The following SGCD variants were observed in gnomAD, a reference collection of about 807,000 sequenced individuals.
SGCD encodes the protein delta-sarcoglycan.
SGCD carries 18 observed loss-of-function variants against 36.6 expected under a neutral mutation model. The observed-to-expected ratio is 0.49, with a 90% confidence interval of 0.34 to 0.73. SGCD has a LOEUF of 0.73. Ranked by LOEUF, SGCD falls within the 30% of genes least tolerant of loss-of-function variation. The probability of loss-of-function intolerance (pLI) is 0.01; values close to 1 mark genes in which losing one functional copy is unlikely to be tolerated. For synonymous variants in SGCD, 133 were observed against 130.6 expected (o/e 1.02, Z -0.12); for missense variants, 387 against 346.7 (o/e 1.12, Z -0.92).
the SGCD span, among the ~76,000 whole-genome samples, chr5:155,861,637 G>A: frequency 6.6e-6 from 1 of 152,178 alleles, no homozygotes; most frequent in Non-Finnish European, 1.5e-5. Flanking sequence ...AGAATCTCTT[G>A]AACCCAGAAG....
chr5:156,345,907 T>C (rs1170279578), intron 3 of SGCD, among the ~76,000 whole-genome samples: 3 of 152,104 alleles, frequency 2.0e-5, no homozygotes, highest in Non-Finnish European at 4.4e-5. Context: ...CATTTTCTTC[T>C]GCTTGGAGTG....
chr5:156,381,575 T>C (rs1027681141), intron 3 of SGCD, among the ~76,000 whole-genome samples: 3 of 96,972 alleles, frequency 3.1e-5, no homozygotes, highest in Admixed American at 2.0e-4. Flanking sequence ...CATGTAAACA[T>C]ACATGTGCAT....
chr5:156,204,815 G>A (rs573368585), intron 3 of SGCD, among the ~76,000 whole-genome samples: 18 of 152,134 alleles, frequency 1.2e-4, no homozygotes, highest in Admixed American at 3.3e-4. Context: ...GATGTAAGTC[G>A]TAAGTAGCTA....
intron 1 of SGCD, among the ~76,000 whole-genome samples, chr5:156,116,959 G>A (rs1761920523): frequency 6.6e-6 from 1 of 151,910 alleles, no homozygotes; most frequent in Non-Finnish European, 1.5e-5. Context: ...AGACTCTTTG[G>A]GTTTACTCAA....
At chr5:156,287,859 A>G (rs1766652437) in intron 3 of SGCD, among the ~76,000 whole-genome samples, 1 of 152,038 alleles carries the variant, frequency 6.6e-6, no homozygotes, top group Admixed American at 6.6e-5. Flanking sequence ...GGATCACATC[A>G]CTACACTCCA....
intron 3 of SGCD, among the ~76,000 whole-genome samples, chr5:156,501,943 C>T (rs1267108255): frequency 1.3e-5 from 2 of 152,110 alleles, no homozygotes; most frequent in Non-Finnish European, 2.9e-5. Context: ...TCATGCTTGC[C>T]TTAAGAAAAT....
intron 1 of SGCD, among the ~76,000 whole-genome samples, chr5:155,968,574 G>A (rs1757947180): frequency 6.6e-6 from 1 of 152,042 alleles, no homozygotes; most frequent in African/African-American, 2.4e-5. Flanking sequence ...CTCTTATAGT[G>A]TGTAATTTCA....
At chr5:156,505,769 T>C (rs551716216) in intron 3 of SGCD, among the ~76,000 whole-genome samples, 2 of 126,400 alleles carry the variant, frequency 1.6e-5, no homozygotes, top group Non-Finnish European at 3.5e-5. Flanking sequence ...AGTGTGTGTG[T>C]ATATACACCA....
intron 3 of SGCD, among the ~76,000 whole-genome samples, chr5:156,249,638 T>C (rs1029948764): frequency 6.6e-6 from 1 of 152,148 alleles, no homozygotes; most frequent in Non-Finnish European, 1.5e-5. Flanking sequence ...TTAGGCAAAT[T>C]GTTTTCTCTT....
chr5:155,752,818 T>C, the SGCD span, among the ~76,000 whole-genome samples: 3 of 152,182 alleles, frequency 2.0e-5, no homozygotes, highest in Non-Finnish European at 4.4e-5. Flanking sequence ...CTTTTCACAT[T>C]GGCCCCTTAT....
At chr5:155,886,263 A>T (rs932258609) in intron 1 of SGCD, among the ~76,000 whole-genome samples, 6 of 152,348 alleles carry the variant, frequency 3.9e-5, no homozygotes, top group African/African-American at 1.2e-4. Flanking sequence ...AAGGGACTGG[A>T]ATGAGGATGT....
At chr5:156,029,307 T>C (rs1387919301) in intron 1 of SGCD, among the ~76,000 whole-genome samples, 1 of 152,172 alleles carries the variant, frequency 6.6e-6, no homozygotes, top group Non-Finnish European at 1.5e-5. Context: ...TATGGTTATT[T>C]TTCTGTAATC....
intron 3 of SGCD, among the ~76,000 whole-genome samples, chr5:156,164,552 A>G (rs1234194071): frequency 6.6e-6 from 1 of 152,210 alleles, no homozygotes; most frequent in Non-Finnish European, 1.5e-5. Flanking sequence ...CATGCTGGAA[A>G]TACCAAAAGA....
At chr5:156,257,069 A>G (rs1765733142) in intron 3 of SGCD, among the ~76,000 whole-genome samples, 1 of 151,956 alleles carries the variant, frequency 6.6e-6, no homozygotes, top group South Asian at 2.1e-4. Flanking sequence ...GGTCCTAGCT[A>G]CTCAGGAGGC....
At chr5:155,797,552 A>G in the SGCD span, among the ~76,000 whole-genome samples, 1 of 152,246 alleles carries the variant, frequency 6.6e-6, no homozygotes, top group Non-Finnish European at 1.5e-5. Context: ...GGACAGAAGT[A>G]CAGAGTTGCA....
chr5:156,687,860 C>T (rs570036384), intron 7 of SGCD, among the ~76,000 whole-genome samples: 1 of 152,142 alleles, frequency 6.6e-6, no homozygotes, highest in Non-Finnish European at 1.5e-5. Context: ...AACCATCGTT[C>T]GTTACCAGCC....
chr5:155,733,746 G>T, the SGCD span, among the ~76,000 whole-genome samples: 2 of 151,998 alleles, frequency 1.3e-5, no homozygotes, highest in African/African-American at 2.4e-5. Context: ...CCCGAGTGCA[G>T]ACAACTAGGG....
At chr5:156,047,447 T>C (rs1759797326) in intron 1 of SGCD, among the ~76,000 whole-genome samples, 2 of 152,254 alleles carry the variant, frequency 1.3e-5, no homozygotes, top group Admixed American at 6.5e-5. Context: ...ACTCTCTTTT[T>C]AGGGGACAAT....
At chr5:155,895,498 G>A (rs1233463848) in intron 1 of SGCD, among the ~76,000 whole-genome samples, 1 of 152,190 alleles carries the variant, frequency 6.6e-6, no homozygotes, top group Non-Finnish European at 1.5e-5. Context: ...TCCACAGCCA[G>A]GGGTTCATGA....
Sources: gnomAD v4.1 joint callset for allele counts (sites outside exome capture counted in the v4.1 genomes callset) on GRCh38, gnomAD v4.1.1 for gene constraint, MANE v1.5 for transcripts, NCBI Gene and HGNC (gene_info 2026-07-23, HGNC 2026-07-21) for gene names.